Variants in GPC5 observed in about 807,000 individuals in gnomAD.
GPC5 encodes glypican-5.
In GPC5, 47 loss-of-function variants were observed where a neutral mutation model predicts 53.9. That is an observed-to-expected ratio of 0.87 (90% CI 0.69 to 1.11). The LOEUF is 1.11. Ranked by LOEUF, GPC5 falls within the 50% of genes most tolerant of loss-of-function variation. The pLI, the probability that GPC5 is intolerant of heterozygous loss-of-function variation, is 0.00. For synonymous variants in GPC5, 286 were observed against 263.3 expected, an observed-to-expected ratio of 1.09 and a Z score of -0.84; for missense variants, 748 against 713.1, an observed-to-expected ratio of 1.05 and a Z score of -0.56.
chr13:92,739,707 T>TA (rs912978214), intron 7 of GPC5, among the ~76,000 whole-genome samples: 172 of 127,224 alleles, frequency 1.4e-3, no homozygotes, highest in South Asian at 5.7e-3. Flanking sequence ...ACTCCCATCT[T>TA]AAAAAAAAAA....
chr13:91,710,495 G>A (rs2036201735), intron 3 of GPC5, among the ~76,000 whole-genome samples: 1 of 152,180 alleles, frequency 6.6e-6, no homozygotes, highest in African/African-American at 2.4e-5. Flanking sequence ...GGAAATAAGG[G>A]CAAGAGAAAA....
intron 7 of GPC5, among the ~76,000 whole-genome samples, chr13:92,681,074 A>C (rs1887096685): frequency 1.3e-5 from 2 of 151,930 alleles, no homozygotes; most frequent in African/African-American, 4.8e-5. Context: ...AGAGGTCCAA[A>C]GAATGTAGTT....
At chr13:92,448,242 GGT>G in intron 7 of GPC5, 1 of 151,888 alleles carries the variant, frequency 6.6e-6, no homozygotes, top group South Asian at 2.1e-4. Flanking sequence ...TATTCATCTT[GGT>G]TTCATTTATT....
intron 7 of GPC5, among the ~76,000 whole-genome samples, chr13:92,451,512 G>A (rs1469065828): frequency 2.6e-5 from 4 of 151,836 alleles, no homozygotes; most frequent in Non-Finnish European, 5.9e-5. Flanking sequence ...AATAATTTTA[G>A]TGCCATGCAA....
At chr13:92,861,820 T>G (rs923952590) in intron 7 of GPC5, among the ~76,000 whole-genome samples, 4 of 152,192 alleles carry the variant, frequency 2.6e-5, no homozygotes, top group Non-Finnish European at 4.4e-5. Flanking sequence ...TTTGTTTACT[T>G]CCTCATTATT....
chr13:92,865,820 C>A (rs1385702827), intron 7 of GPC5, among the ~76,000 whole-genome samples: 1 of 152,038 alleles, frequency 6.6e-6, no homozygotes, highest in Non-Finnish European at 1.5e-5. Flanking sequence ...CTTAGGCCTA[C>A]TTTATTCTAA....
intron 6 of GPC5, among the ~76,000 whole-genome samples, chr13:92,007,256 G>T (rs918482987): frequency 6.6e-6 from 1 of 152,108 alleles, no homozygotes; most frequent in African/African-American, 2.4e-5. Flanking sequence ...ATTTGACATT[G>T]CACTATGCAT....
chr13:92,587,677 C>G (rs1272861935), intron 7 of GPC5, among the ~76,000 whole-genome samples: 1 of 151,988 alleles, frequency 6.6e-6, no homozygotes, highest in Admixed American at 6.6e-5. Context: ...GATTTGCTAA[C>G]AAAAGAAAAA....
intron 5 of GPC5, among the ~76,000 whole-genome samples, chr13:91,857,884 G>A (rs1356012759): frequency 6.6e-6 from 1 of 151,154 alleles, no homozygotes; most frequent in East Asian, 1.9e-4. Flanking sequence ...ATCACTATAT[G>A]GATTTGTCTT....
intron 7 of GPC5, among the ~76,000 whole-genome samples, chr13:92,620,718 G>A (rs1318198915): frequency 2.0e-5 from 3 of 152,252 alleles, no homozygotes; most frequent in African/African-American, 7.2e-5. Flanking sequence ...TAGGCAGAGT[G>A]TGGGAAGTCA....
At chr13:91,962,383 A>G (rs1020326790) in intron 6 of GPC5, among the ~76,000 whole-genome samples, 2 of 152,180 alleles carry the variant, frequency 1.3e-5, no homozygotes, top group Admixed American at 1.3e-4. Flanking sequence ...ACCTAGAGAA[A>G]TAAATATTTC....
chr13:91,412,675 A>G (rs1413207051), intron 1 of GPC5, among the ~76,000 whole-genome samples: 1 of 152,242 alleles, frequency 6.6e-6, no homozygotes, highest in Non-Finnish European at 1.5e-5. Flanking sequence ...TGACGTTATC[A>G]AAGATTAGAA....
At chr13:91,415,530 G>A (rs1878148290) in intron 1 of GPC5, among the ~76,000 whole-genome samples, 1 of 152,030 alleles carries the variant, frequency 6.6e-6, no homozygotes, top group Non-Finnish European at 1.5e-5. Context: ...TCCCCAATGA[G>A]CCACACCTTT....
intron 7 of GPC5, among the ~76,000 whole-genome samples, chr13:92,533,069 G>C (rs945376375): frequency 6.6e-6 from 1 of 152,040 alleles, no homozygotes; most frequent in Non-Finnish European, 1.5e-5. Context: ...CAGTATAAAT[G>C]CAGTTTTAAA....
chr13:92,865,396 T>G (rs1879306342), intron 7 of GPC5, among the ~76,000 whole-genome samples: 1 of 152,172 alleles, frequency 6.6e-6, no homozygotes, highest in African/African-American at 2.4e-5. Context: ...CTTTGCTATT[T>G]GCTATTTCCA....
intron 2 of GPC5, among the ~76,000 whole-genome samples, chr13:91,621,785 A>ATATATATATATATATATAT (rs1430476290): frequency 7.7e-6 from 1 of 129,092 alleles, no homozygotes; most frequent in African/African-American, 2.9e-5. Flanking sequence ...ATATATATAT[A>ATATATATATATATATATAT]TATATATGAA....
chr13:92,066,978 T>G (rs2041172524), intron 6 of GPC5, among the ~76,000 whole-genome samples: 1 of 152,060 alleles, frequency 6.6e-6, no homozygotes, highest in African/African-American at 2.4e-5. Flanking sequence ...GGTAAGCTTT[T>G]TCCCCTAGCA....
At chr13:92,799,823 A>G (rs968932962) in intron 7 of GPC5, among the ~76,000 whole-genome samples, 3 of 151,842 alleles carry the variant, frequency 2.0e-5, no homozygotes, top group African/African-American at 4.8e-5. Context: ...ACATTTCACT[A>G]TAGATAAATG....
chr13:91,440,027 A>T (rs768813017), intron 1 of GPC5, among the ~76,000 whole-genome samples: 1 of 151,952 alleles, frequency 6.6e-6, no homozygotes, highest in Admixed American at 6.5e-5. Context: ...CTTTTTTCTT[A>T]GATTTTTATT....
Sources: gnomAD v4.1 joint callset for allele counts (sites outside exome capture counted in the v4.1 genomes callset) on GRCh38, gnomAD v4.1.1 for gene constraint, MANE v1.5 for transcripts, NCBI Gene and HGNC (gene_info 2026-07-23, HGNC 2026-07-21) for gene names.